USH2A: variants seen among roughly 807,000 people sequenced by gnomAD.
The protein encoded by USH2A is Usher syndrome 2A (autosomal recessive, mild).
A neutral mutation model predicts 538.9 loss-of-function variants in USH2A; 443 were observed. That is an observed-to-expected ratio of 0.82 (90% CI 0.76 to 0.89). The LOEUF is 0.89. Ranked by LOEUF, USH2A falls within the 40% of genes least tolerant of loss-of-function variation. USH2A has a pLI of 0.00. For synonymous variants in USH2A, 2,413 were observed against 2,273.5 expected, an observed-to-expected ratio of 1.06 and a Z score of -1.75; for missense variants, 6,633 against 6,324.8, an observed-to-expected ratio of 1.05 and a Z score of -1.65.
At chr1:216,113,283 C>T (rs1413036188) in intron 21 of USH2A, among the ~76,000 whole-genome samples, 3 of 151,972 alleles carry the variant, frequency 2.0e-5, no homozygotes, top group Non-Finnish European at 4.4e-5. Flanking sequence ...TGCATGATCT[C>T]TAAAATCTGT....
At chr1:216,135,587 A>T (rs1193121882) in intron 21 of USH2A, among the ~76,000 whole-genome samples, 2 of 152,198 alleles carry the variant, frequency 1.3e-5, no homozygotes, top group Non-Finnish European at 2.9e-5. Flanking sequence ...ATAACCATTT[A>T]CTATAACTGT....
At chr1:216,052,650 C>G (rs2030831297) in intron 30 of USH2A, among the ~76,000 whole-genome samples, 1 of 152,148 alleles carries the variant, frequency 6.6e-6, no homozygotes, top group South Asian at 2.1e-4. Context: ...ACTGTGCTTT[C>G]TCCTCCTGTC....
Position 216,325,293 on chromosome 1 carries a change from G to A in USH2A, c.1143+12C>T, listed in dbSNP as rs727505167. 1.1e-4 allele frequency: 178 copies of A among 1,612,936 alleles called. No individual in the cohort carries two copies. The highest frequency in any genetic ancestry group is 1.4e-4 in the Non-Finnish European group (167 of 1,179,608). ...ACAGGAAATTAATGTACACCTTATCGTTTCTCATTACCTGATACTGTCCAT... is the reference window on the plus strand; with the variant it reads ...ACAGGAAATTAATGTACACCTTATCATTTCTCATTACCTGATACTGTCCAT... On this transcript the variant is annotated intron_variant, in intron 6 of 71. Transcript: ENST00000307340.
chr1:215,643,139 G>C (rs1656741536), intron 67 of USH2A, among the ~76,000 whole-genome samples: 1 of 152,086 alleles, frequency 6.6e-6, no homozygotes, highest in Admixed American at 6.5e-5. Context: ...GAGATTACAG[G>C]TGTGTGCCAC....
At chr1:216,226,244 A>G (rs967169179) in intron 14 of USH2A, among the ~76,000 whole-genome samples, 10 of 152,236 alleles carry the variant, frequency 6.6e-5, no homozygotes, top group African/African-American at 2.4e-4. Context: ...AAAATGAGTT[A>G]GTCACTTGGC....
chr1:216,166,260 C>T (rs895539415), intron 21 of USH2A, among the ~76,000 whole-genome samples: 4 of 151,844 alleles, frequency 2.6e-5, no homozygotes, highest in African/African-American at 7.3e-5. Context: ...AGGGCATACC[C>T]GGCAAAGGTA....
At chr1:216,410,310 A>G (rs2039466290) in intron 3 of USH2A, among the ~76,000 whole-genome samples, 1 of 152,152 alleles carries the variant, frequency 6.6e-6, no homozygotes, top group Admixed American at 6.5e-5. Context: ...AAAGACCAAA[A>G]AAAACAGAAC....
At chr1:216,148,950 A>G (rs2033771733) in intron 21 of USH2A, among the ~76,000 whole-genome samples, 1 of 152,064 alleles carries the variant, frequency 6.6e-6, no homozygotes, top group Admixed American at 6.6e-5. Flanking sequence ...AATCAAGCCC[A>G]AATTTCTTCC....
intron 49 of USH2A, 145 bp downstream of exon 49, chr1:215,813,591 A>G (rs1332173177): frequency 4.3e-6 from 4 of 931,016 alleles, no homozygotes; most frequent in Non-Finnish European, 6.9e-6. Flanking sequence ...AGGAAGAAAC[A>G]ATATTTAGAG....
At chr1:215,936,992 G>A (rs190945350) in intron 37 of USH2A, among the ~76,000 whole-genome samples, 4 of 152,146 alleles carry the variant, frequency 2.6e-5, no homozygotes, top group Admixed American at 2.6e-4. Flanking sequence ...TAACCATTTA[G>A]GGATGGAGGA....
At chr1:215,904,254 C>T (rs1665575812) in intron 38 of USH2A, among the ~76,000 whole-genome samples, 2 of 151,992 alleles carry the variant, frequency 1.3e-5, no homozygotes, top group South Asian at 2.1e-4. Flanking sequence ...TTAAAAACTA[C>T]ATTACCTTTC....
intron 18 of USH2A, among the ~76,000 whole-genome samples, chr1:216,197,674 T>C (rs1040922101): frequency 6.6e-6 from 1 of 152,188 alleles, no homozygotes; most frequent in African/African-American, 2.4e-5. Context: ...AAAGTGTATT[T>C]TTTTTCTTAA....
chr1:216,143,140 T>C (rs1424949166), intron 21 of USH2A, among the ~76,000 whole-genome samples: 8 of 152,184 alleles, frequency 5.3e-5, no homozygotes, highest in Non-Finnish European at 7.4e-5. Context: ...TTGTAATAAG[T>C]GTGCCTTCCC....
chr1:215,981,033 A>G (rs879804303), intron 35 of USH2A, among the ~76,000 whole-genome samples: 1 of 152,150 alleles, frequency 6.6e-6, no homozygotes, highest in Non-Finnish European at 1.5e-5. Context: ...AAAGTATGTC[A>G]ATTCTAGTGT....
intron 55 of USH2A, among the ~76,000 whole-genome samples, chr1:215,775,098 T>C (rs959953092): frequency 6.6e-6 from 1 of 152,086 alleles, no homozygotes; most frequent in Non-Finnish European, 1.5e-5. Flanking sequence ...CCAAAGCTTT[T>C]TGAGGACATT....
chr1:215,833,265 A>G (rs1385715486), intron 47 of USH2A, among the ~76,000 whole-genome samples: 1 of 151,960 alleles, frequency 6.6e-6, no homozygotes, highest in Non-Finnish European at 1.5e-5. Context: ...ATAAAGGTCA[A>G]AGTTGGAGGA....
intron 61 of USH2A, among the ~76,000 whole-genome samples, chr1:215,715,658 A>G (rs757444801): frequency 1.3e-5 from 2 of 152,338 alleles, no homozygotes; most frequent in African/African-American, 2.4e-5. Context: ...GTTCCTTTGT[A>G]TGCTGGGTTG....
chr1:215,745,714 G>T (rs1660451506), intron 58 of USH2A, among the ~76,000 whole-genome samples: 1 of 152,104 alleles, frequency 6.6e-6, no homozygotes, highest in African/African-American at 2.4e-5. Flanking sequence ...GAGAAGCAAG[G>T]ACTTGAACTT....
At chr1:215,840,908 G>A (rs1156534913) in intron 46 of USH2A, among the ~76,000 whole-genome samples, 1 of 151,972 alleles carries the variant, frequency 6.6e-6, no homozygotes, top group Non-Finnish European at 1.5e-5. Flanking sequence ...TTTGGCCTAT[G>A]GTCTACCTGC....
Sources: gnomAD v4.1 joint callset for allele counts (sites outside exome capture counted in the v4.1 genomes callset) on GRCh38, gnomAD v4.1.1 for gene constraint, MANE v1.5 for transcripts, NCBI Gene and HGNC (gene_info 2026-07-23, HGNC 2026-07-21) for gene names.